CPA6: variants seen among roughly 807,000 people sequenced by gnomAD.
CPA6 encodes the protein carboxypeptidase B.
In CPA6, 58 loss-of-function variants were observed where a neutral mutation model predicts 63.3. That is an observed-to-expected ratio of 0.92 (90% CI 0.74 to 1.14). CPA6 has a LOEUF of 1.14. Among genes scored for constraint, CPA6 ranks in the 50% most tolerant of loss-of-function variants. CPA6 has a pLI of 0.00. For synonymous variants in CPA6, 185 were observed against 179.0 expected (o/e 1.03, Z -0.27); for missense variants, 565 against 526.6 (o/e 1.07, Z -0.71).
chr8:67,632,157 TG>T (rs555812708), intron 1 of CPA6, among the ~76,000 whole-genome samples: 995 of 85,242 alleles, frequency 0.012, 12 homozygotes, highest in African/African-American at 0.049. Flanking sequence ...GCTGTGTGTG[TG>T]TGTGTGTGTG....
intron 2 of CPA6, among the ~76,000 whole-genome samples, chr8:67,550,489 T>C (rs1812916669): frequency 6.6e-6 from 1 of 152,238 alleles, no homozygotes; most frequent in African/African-American, 2.4e-5. Context: ...TTGTGAATAG[T>C]GCTACAATGA....
In CPA6 at chr8:67,675,890, G is replaced by T. The variant is rs144353257; in HGVS notation, c.117-51639C>A. On this transcript the variant is annotated intron_variant, in intron 1 of 10. Coordinates refer to ENST00000297770, the MANE Select transcript of CPA6 (RefSeq NM_020361.5). Reference sequence around the variant, plus strand: ...TCACTACATTGCCCAGCACAGGCTGGAGTGCTGTGACTATTCACAGGTGTG... The same window carrying T: ...TCACTACATTGCCCAGCACAGGCTGTAGTGCTGTGACTATTCACAGGTGTG... Among the ~76,000 whole-genome samples, 302 of 152,294 alleles carry T rather than the reference G, an allele frequency of 2.0e-3. 1 individual carries two copies. The highest frequency in any genetic ancestry group is 3.5e-3 in the Non-Finnish European group (235 of 68,026).
intron 1 of CPA6, among the ~76,000 whole-genome samples, chr8:67,700,989 T>C (rs1817011997): frequency 6.6e-6 from 1 of 152,174 alleles, no homozygotes. Flanking sequence ...CTTTAGAATA[T>C]TATAGACATA....
intron 8 of CPA6, among the ~76,000 whole-genome samples, chr8:67,445,165 T>C (rs925150288): frequency 2.6e-5 from 4 of 151,828 alleles, no homozygotes; most frequent in African/African-American, 9.7e-5. Flanking sequence ...GGTCTACAAG[T>C]GAAGAAAATA....
At chr8:67,664,778 A>T (rs1816191879) in intron 1 of CPA6, among the ~76,000 whole-genome samples, 1 of 152,126 alleles carries the variant, frequency 6.6e-6, no homozygotes. Flanking sequence ...GCATGACACA[A>T]AGGGCATAGG....
intron 2 of CPA6, among the ~76,000 whole-genome samples, chr8:67,531,393 T>C (rs1233623311): frequency 1.3e-5 from 2 of 152,008 alleles, no homozygotes; most frequent in African/African-American, 4.8e-5. Flanking sequence ...ACTAGAATGG[T>C]TGAAAATTAA....
At chr8:67,495,673 A>C (rs920473479) in intron 6 of CPA6, among the ~76,000 whole-genome samples, 1 of 151,566 alleles carries the variant, frequency 6.6e-6, no homozygotes, top group Non-Finnish European at 1.5e-5. Context: ...TTTGCTCCTT[A>C]TCAGTGTTTT....
chr8:67,497,586 G>T (rs1279499857), intron 6 of CPA6, among the ~76,000 whole-genome samples: 1 of 152,068 alleles, frequency 6.6e-6, no homozygotes. Flanking sequence ...AGTTCTCTTG[G>T]GTACACACAT....
intron 8 of CPA6, among the ~76,000 whole-genome samples, chr8:67,439,598 A>AAAAAAG (rs1392254817): frequency 6.6e-6 from 1 of 151,796 alleles, no homozygotes; most frequent in Non-Finnish European, 1.5e-5. Context: ...TCAAAAAAAA[A>AAAAAAG]AAAGAAAGAA....
intron 1 of CPA6, among the ~76,000 whole-genome samples, chr8:67,662,587 G>A (rs903158636): frequency 4.4e-5 from 5 of 113,172 alleles, no homozygotes; most frequent in African/African-American, 2.4e-4. Context: ...ACATGTATAT[G>A]TATATATAGA....
intron 8 of CPA6, among the ~76,000 whole-genome samples, chr8:67,434,483 A>C (rs768240710): frequency 6.6e-6 from 1 of 152,244 alleles, no homozygotes; most frequent in Non-Finnish European, 1.5e-5. Context: ...AACATGCACA[A>C]ACCACTCTAA....
intron 1 of CPA6, among the ~76,000 whole-genome samples, chr8:67,723,974 GAC>G (rs753331471): frequency 6.6e-6 from 1 of 152,108 alleles, no homozygotes. Flanking sequence ...AAAGACAAAT[GAC>G]AGATTGGTAA....
At chr8:67,721,373 A>C (rs1446149852) in intron 1 of CPA6, among the ~76,000 whole-genome samples, 3 of 152,360 alleles carry the variant, frequency 2.0e-5, no homozygotes, top group Admixed American at 6.5e-5. Context: ...CAGATATTGA[A>C]GGTCTGTTGT....
intron 2 of CPA6, among the ~76,000 whole-genome samples, chr8:67,552,544 C>T (rs146772107): frequency 0.017 from 2,524 of 151,958 alleles, 46 homozygotes; most frequent in African/African-American, 0.055. Flanking sequence ...GAGGCCAAGG[C>T]GGGCGGATCA....
chr8:67,585,867 G>A (rs751922279), intron 2 of CPA6, among the ~76,000 whole-genome samples: 2 of 152,114 alleles, frequency 1.3e-5, no homozygotes, highest in Admixed American at 6.6e-5. Context: ...AGGGGGTAAG[G>A]CAAGGTTAGT....
intron 8 of CPA6, among the ~76,000 whole-genome samples, chr8:67,435,157 G>A (rs1810121333): frequency 6.6e-6 from 1 of 152,222 alleles, no homozygotes; most frequent in South Asian, 2.1e-4. Context: ...TCCCCCCAGA[G>A]AGCACAGTGG....
chr8:67,578,447 G>A (rs1169115156), intron 2 of CPA6, among the ~76,000 whole-genome samples: 2 of 152,098 alleles, frequency 1.3e-5, no homozygotes, highest in East Asian at 1.9e-4. Flanking sequence ...CTTGGCTATT[G>A]GTTTGAATTA....
intron 8 of CPA6, among the ~76,000 whole-genome samples, chr8:67,448,198 C>T (rs913444618): frequency 2.0e-5 from 3 of 152,188 alleles, no homozygotes; most frequent in African/African-American, 7.2e-5. Context: ...TTAATCTTTT[C>T]CTTACCCAAG....
At chr8:67,692,123 G>A (rs1451101545) in intron 1 of CPA6, among the ~76,000 whole-genome samples, 5 of 152,118 alleles carry the variant, frequency 3.3e-5, no homozygotes. Flanking sequence ...GATCACCTGA[G>A]GTTGGGAGTT....
Sources: allele counts gnomAD v4.1 joint callset (sites outside exome capture counted in the v4.1 genomes callset), GRCh38; gene constraint gnomAD v4.1.1; transcripts MANE v1.5; gene names NCBI Gene and HGNC (gene_info 2026-07-23, HGNC 2026-07-21).